The following NCAM2 variants were observed in gnomAD, a reference collection of about 807,000 sequenced individuals.
NCAM2 encodes N-CAM-2.
A neutral mutation model predicts 98.1 loss-of-function variants in NCAM2; 30 were observed. The ratio of observed to expected loss-of-function variants is 0.31; its 90% confidence interval spans 0.23 to 0.41. NCAM2 has a LOEUF of 0.41. Among genes scored for constraint, NCAM2 ranks in the 10% least tolerant of loss-of-function variants. NCAM2 has a pLI of 1.00. For synonymous variants in NCAM2, 368 were observed against 342.4 expected (o/e 1.07, Z -0.83); for missense variants, 867 against 1,005.8 (o/e 0.86, Z 1.87).
At chr21:21,092,138 A>T (rs2066025999) in intron 1 of NCAM2, among the ~76,000 whole-genome samples, 1 of 152,130 alleles carries the variant, frequency 6.6e-6, no homozygotes, top group Non-Finnish European at 1.5e-5. Context: ...GCCTGTGATC[A>T]CAAGGGTCTG....
intron 10 of NCAM2, among the ~76,000 whole-genome samples, chr21:21,417,257 G>C (rs897476477): frequency 1.3e-5 from 2 of 152,148 alleles, no homozygotes; most frequent in East Asian, 3.9e-4. Context: ...AGAACAATTA[G>C]TTTAGAGTTA....
chr21:21,267,122 A>T (rs901000525), intron 1 of NCAM2, among the ~76,000 whole-genome samples: 5 of 152,122 alleles, frequency 3.3e-5, no homozygotes, highest in African/African-American at 1.2e-4. Flanking sequence ...CTTCCATGTG[A>T]CCAAATTTGA....
chr21:21,122,542 C>T (rs1175741598), intron 1 of NCAM2, among the ~76,000 whole-genome samples: 3 of 152,010 alleles, frequency 2.0e-5, no homozygotes, highest in African/African-American at 2.4e-5. Context: ...TTTGGGTTGG[C>T]GGGGTGATTT....
At chr21:21,417,932 A>T (rs2145954017) in intron 10 of NCAM2, among the ~76,000 whole-genome samples, 1 of 152,168 alleles carries the variant, frequency 6.6e-6, no homozygotes, top group Non-Finnish European at 1.5e-5. Context: ...TTATATGTTC[A>T]ATAAACTCAA....
intron 8 of NCAM2, among the ~76,000 whole-genome samples, chr21:21,363,731 T>A (rs2075711235): frequency 6.8e-6 from 1 of 147,632 alleles, no homozygotes. Context: ...GTTTTAATTA[T>A]TTTTTTTACA....
At chr21:21,526,909 C>A (rs1234609456) in intron 16 of NCAM2, among the ~76,000 whole-genome samples, 2 of 152,022 alleles carry the variant, frequency 1.3e-5, no homozygotes, top group Admixed American at 6.6e-5. Flanking sequence ...GGTACTGGAA[C>A]AACTGTAATC....
chr21:21,190,549 TAAC>T (rs1167389796), intron 1 of NCAM2, among the ~76,000 whole-genome samples: 3 of 152,230 alleles, frequency 2.0e-5, no homozygotes, highest in Non-Finnish European at 4.4e-5. Context: ...CCGCTGGTGC[TAAC>T]AATACACTTG....
At chr21:21,245,116 C>T (rs181030807) in intron 1 of NCAM2, among the ~76,000 whole-genome samples, 103 of 152,212 alleles carry the variant, frequency 6.8e-4, no homozygotes, top group African/African-American at 2.4e-3. Context: ...TATGTGGCGG[C>T]CGTACCATTC....
At chr21:21,500,397 G>C (rs900143589) in intron 15 of NCAM2, among the ~76,000 whole-genome samples, 1 of 152,058 alleles carries the variant, frequency 6.6e-6, no homozygotes, top group African/African-American at 2.4e-5. Context: ...AAATGCAAGA[G>C]GCCCCACCTG....
intron 1 of NCAM2, among the ~76,000 whole-genome samples, chr21:21,135,672 C>A (rs73894444): frequency 6.6e-6 from 1 of 152,138 alleles, no homozygotes; most frequent in Non-Finnish European, 1.5e-5. Flanking sequence ...CCACTATTTC[C>A]GTGTCCTAAC....
intron 1 of NCAM2, among the ~76,000 whole-genome samples, chr21:21,244,786 G>T (rs559486470): frequency 1.4e-5 from 2 of 147,018 alleles, no homozygotes; most frequent in East Asian, 2.0e-4. Flanking sequence ...GGCGGAGGTT[G>T]CAGTGAGCCG....
chr21:21,265,752 T>TG (rs2072244762), intron 1 of NCAM2, among the ~76,000 whole-genome samples: 2 of 151,476 alleles, frequency 1.3e-5, no homozygotes, highest in Non-Finnish European at 2.9e-5. Context: ...GACTTCAAAA[T>TG]GGGGAAAAAG....
At chr21:21,100,424 G>T (rs557505679) in intron 1 of NCAM2, among the ~76,000 whole-genome samples, 142 of 152,020 alleles carry the variant, frequency 9.3e-4, no homozygotes, top group African/African-American at 3.0e-3. Flanking sequence ...CTTTGTGGAT[G>T]CTGGTAATGA....
intron 9 of NCAM2, among the ~76,000 whole-genome samples, chr21:21,391,710 G>C (rs1054323120): frequency 2.0e-5 from 3 of 152,050 alleles, no homozygotes; most frequent in African/African-American, 7.2e-5. Flanking sequence ...GAAGATGAAG[G>C]CTTAATCAGA....
intron 1 of NCAM2, among the ~76,000 whole-genome samples, chr21:21,233,574 C>A (rs1170321062): frequency 1.3e-5 from 2 of 151,508 alleles, no homozygotes; most frequent in Non-Finnish European, 3.0e-5. Flanking sequence ...TAAAAATGAT[C>A]ATATTAAATA....
intron 1 of NCAM2, among the ~76,000 whole-genome samples, chr21:21,163,238 T>C (rs2067843749): frequency 6.6e-6 from 1 of 152,012 alleles, no homozygotes; most frequent in Admixed American, 6.6e-5. Context: ...TTACATTCAG[T>C]GTTGACAGCC....
intron 1 of NCAM2, among the ~76,000 whole-genome samples, chr21:21,243,422 T>C (rs1041784): frequency 0.63 from 96,217 of 152,052 alleles, 30,893 homozygotes; most frequent in East Asian, 0.91. Flanking sequence ...GAAATGTGTT[T>C]GGTGCTATAT....
chr21:21,369,196 T>A (rs2075858617), intron 8 of NCAM2, among the ~76,000 whole-genome samples: 1 of 151,880 alleles, frequency 6.6e-6, no homozygotes, highest in East Asian at 1.9e-4. Flanking sequence ...ATTCTGGAAA[T>A]TTCAAAGAAA....
intron 3 of NCAM2, among the ~76,000 whole-genome samples, chr21:21,285,306 T>C (rs1029355672): frequency 2.0e-5 from 3 of 151,838 alleles, no homozygotes; most frequent in Non-Finnish European, 2.9e-5. Context: ...ATTCTAGAAA[T>C]AGGATATGAA....
Sources: gnomAD v4.1 joint callset for allele counts (sites outside exome capture counted in the v4.1 genomes callset) on GRCh38, gnomAD v4.1.1 for gene constraint, MANE v1.5 for transcripts, NCBI Gene and HGNC (gene_info 2026-07-23, HGNC 2026-07-21) for gene names.